The following CCSER1 variants were observed in gnomAD, a reference collection of about 807,000 sequenced individuals.
CCSER1 encodes the protein serine-rich coiled-coil domain-containing protein 1.
A neutral mutation model predicts 82.0 loss-of-function variants in CCSER1; 41 were observed. That is an observed-to-expected ratio of 0.50 (90% CI 0.39 to 0.65). CCSER1 has a LOEUF of 0.65. CCSER1 is among the 30% of genes least tolerant of loss of function. CCSER1 has a pLI of 0.00. For missense variants in CCSER1, 1,119 were observed against 1,064.2 expected (o/e 1.05, Z -0.72); for synonymous variants, 414 against 383.9 (o/e 1.08, Z -0.92).
At chr4:90,534,721 G>C (rs2153632542) in intron 5 of CCSER1, among the ~76,000 whole-genome samples, 1 of 152,258 alleles carries the variant, frequency 6.6e-6, no homozygotes. Context: ...CTGCAAGGAA[G>C]AAATATTAAC....
chr4:91,453,857 GGAATAACTCC>G (rs1351963368), intron 10 of CCSER1, among the ~76,000 whole-genome samples: 2 of 151,960 alleles, frequency 1.3e-5, no homozygotes, highest in South Asian at 4.1e-4. Context: ...ATTTATGAAA[GGAATAACTCC>G]TGGATACACA....
chr4:90,781,775 T>C (rs569718281), intron 7 of CCSER1: 1 of 962,686 alleles, frequency 1.0e-6, no homozygotes, highest in African/African-American at 1.8e-5. Flanking sequence ...TGAAATATTA[T>C]CTTTTATTTT....
chr4:90,845,533 A>G (rs977316664), intron 8 of CCSER1, among the ~76,000 whole-genome samples: 5 of 152,120 alleles, frequency 3.3e-5, no homozygotes, highest in African/African-American at 1.2e-4. Context: ...ACTGCCCATC[A>G]TAATCAAAAG....
intron 1 of CCSER1, among the ~76,000 whole-genome samples, chr4:90,290,123 G>A (rs1260496242): frequency 6.6e-6 from 1 of 151,496 alleles, no homozygotes; most frequent in Admixed American, 6.6e-5. Flanking sequence ...TTAACTCCTG[G>A]TACATTTGAA....
chr4:90,342,311 C>T (rs186709100), intron 3 of CCSER1, among the ~76,000 whole-genome samples: 40 of 152,098 alleles, frequency 2.6e-4, no homozygotes, highest in African/African-American at 9.7e-4. Flanking sequence ...ATATATGAGG[C>T]CTTTACACTT....
In CCSER1 at chr4:91,423,188, G is replaced by T. The variant is rs537202095; in HGVS notation, c.2218-175384G>T. On this transcript the variant is annotated intron_variant, in intron 10 of 10. Transcript: ENST00000509176. ...CGCCTGTAGTCCCAACACTTTGGGA[G>T]GCTGAGGCGGGCAGATCACCTGAGG... 2.4e-4 allele frequency among the ~76,000 whole-genome samples: 36 copies of T among 152,154 alleles called. 1 individual carries two copies. The highest frequency in any genetic ancestry group is 8.2e-4 in the African/African-American group (34 of 41,474).
At chr4:91,199,017 T>C (rs1337648364) in intron 10 of CCSER1, among the ~76,000 whole-genome samples, 1 of 152,150 alleles carries the variant, frequency 6.6e-6, no homozygotes, top group East Asian at 1.9e-4. Flanking sequence ...ATCTCCAGTC[T>C]CACAGCCTAC....
intron 5 of CCSER1, among the ~76,000 whole-genome samples, chr4:90,490,791 T>G (rs1396491947): frequency 1.3e-5 from 2 of 152,210 alleles, no homozygotes; most frequent in African/African-American, 4.8e-5. Context: ...CCTTTCCCTA[T>G]TTCTTGTTTT....
At chr4:91,561,673 C>A (rs1012909284) in intron 10 of CCSER1, among the ~76,000 whole-genome samples, 1 of 151,408 alleles carries the variant, frequency 6.6e-6, no homozygotes, top group African/African-American at 2.4e-5. Flanking sequence ...TAGAATGGTG[C>A]CTGGAATTTA....
chr4:91,590,343 G>A (rs1306870300), intron 10 of CCSER1, among the ~76,000 whole-genome samples: 2 of 151,952 alleles, frequency 1.3e-5, no homozygotes, highest in African/African-American at 4.8e-5. Flanking sequence ...GTTTCTTTTC[G>A]GTTATTACAT....
chr4:90,147,571 A>G (rs1265280721), intron 1 of CCSER1, among the ~76,000 whole-genome samples: 6 of 152,208 alleles, frequency 3.9e-5, no homozygotes, highest in Non-Finnish European at 5.9e-5. Flanking sequence ...ACAAGTGCTA[A>G]TTATGCATCA....
At chr4:90,507,738 G>A (rs921746181) in intron 5 of CCSER1, among the ~76,000 whole-genome samples, 8 of 151,898 alleles carry the variant, frequency 5.3e-5, no homozygotes, top group Non-Finnish European at 1.0e-4. Flanking sequence ...CTTCTCTTCA[G>A]GGCCTCTAAA....
chr4:90,712,490 T>C (rs1740816633), intron 6 of CCSER1, among the ~76,000 whole-genome samples: 1 of 151,026 alleles, frequency 6.6e-6, no homozygotes, highest in South Asian at 2.1e-4. Context: ...TAGTTTGGGC[T>C]GTGGTTCAAT....
chr4:90,587,920 A>G (rs1480915329), intron 5 of CCSER1, among the ~76,000 whole-genome samples: 1 of 152,234 alleles, frequency 6.6e-6, no homozygotes, highest in Non-Finnish European at 1.5e-5. Context: ...TCACAGTAAA[A>G]TAAATGTCAT....
chr4:90,412,217 A>G (rs1166961367), intron 4 of CCSER1, among the ~76,000 whole-genome samples: 1 of 150,858 alleles, frequency 6.6e-6, no homozygotes, highest in Non-Finnish European at 1.5e-5. Context: ...TGCAAGGACA[A>G]AAAAACCAAA....
At chr4:91,113,935 C>T (rs969846434) in intron 10 of CCSER1, among the ~76,000 whole-genome samples, 1 of 151,786 alleles carries the variant, frequency 6.6e-6, no homozygotes, top group Non-Finnish European at 1.5e-5. Flanking sequence ...TCACTGCAAG[C>T]TCCGCCTCCT....
intron 10 of CCSER1, among the ~76,000 whole-genome samples, chr4:91,504,869 C>G (rs978030879): frequency 2.6e-5 from 4 of 151,900 alleles, no homozygotes; most frequent in Non-Finnish European, 5.9e-5. Context: ...ACTAGCATGC[C>G]CATCTGATTT....
intron 5 of CCSER1, among the ~76,000 whole-genome samples, chr4:90,487,645 C>CTTTG (rs936340335): frequency 1.1e-4 from 16 of 152,002 alleles, no homozygotes; most frequent in East Asian, 1.9e-4. Flanking sequence ...TCTAGTGTTT[C>CTTTG]TTTGTTTGTT....
At chr4:91,588,857 A>C (rs1578865965) in intron 10 of CCSER1, among the ~76,000 whole-genome samples, 1 of 151,972 alleles carries the variant, frequency 6.6e-6, no homozygotes, top group East Asian at 1.9e-4. Context: ...AATTATTAGT[A>C]AGAGCCTCAG....
Sources: gnomAD v4.1 joint callset for allele counts (sites outside exome capture counted in the v4.1 genomes callset) on GRCh38, gnomAD v4.1.1 for gene constraint, MANE v1.5 for transcripts, NCBI Gene and HGNC (gene_info 2026-07-23, HGNC 2026-07-21) for gene names.